The following ZC3H14 variants were observed in gnomAD, a reference collection of about 807,000 sequenced individuals.
ZC3H14 encodes zinc finger CCCH-type containing 14.
In ZC3H14, 31 loss-of-function variants were observed where a neutral mutation model predicts 92.4. That is an observed-to-expected ratio of 0.34 (90% CI 0.25 to 0.45). The LOEUF is 0.45. ZC3H14 is among the 20% of genes least tolerant of loss of function. ZC3H14 has a pLI of 1.00. For synonymous variants in ZC3H14, 321 were observed against 300.9 expected, an observed-to-expected ratio of 1.07 and a Z score of -0.69; for missense variants, 781 against 897.3, an observed-to-expected ratio of 0.87 and a Z score of 1.66.
At chr14:88,572,463 G>C in intron 5 of ZC3H14, 115 bp from the exon 6 acceptor site, 2 of 1,344,254 alleles carry the variant, frequency 1.5e-6, no homozygotes, top group Non-Finnish European at 2.1e-6. Flanking sequence ...AATGGAATAT[G>C]TAAAGGGAGT....
chr14:88,602,928 A>T lies in ZC3H14; in HGVS notation c.1615A>T (p.Met539Leu). ...ATACATGTCAGATCAAGAGGAGGAC[A>T]TGTGCTTTGAAGGAATGAAACCCGT... ...PGYMSDQEEDMCFEGMKPVNQ... is the reference protein window; with the variant it reads ...PGYMSDQEEDLCFEGMKPVNQ... The change falls in exon 12 of 17, where the codon ATG becomes TTG. Residue 539 changes from methionine to leucine, a missense_variant. Around this residue, in one of 3 missense-constraint regions of ZC3H14, gnomAD observed 221 missense variants for 304.7 expected, o/e 0.73. Coordinates refer to ENST00000251038, the MANE Select transcript of ZC3H14 (RefSeq NM_024824.5). 6.2e-7 allele frequency: 1 copy of T among 1,614,146 alleles called. No individual in the cohort carries two copies. The highest frequency in any genetic ancestry group is 8.5e-7 in the Non-Finnish European group (1 of 1,180,018).
At position 88,626,394 on chromosome 14, in the gene ZC3H14, G is replaced by C. The variant is rs971480665; in HGVS notation, c.*14643G>C. 1 of 160,362 alleles carries C rather than the reference G, an allele frequency of 6.2e-6. No homozygotes were observed. The highest frequency in any genetic ancestry group is 2.4e-5 in the African/African-American group (1 of 41,488). 9.9% of individuals were successfully genotyped at this position (160,362 alleles called of 1,614,324 possible). On this transcript the variant is annotated 3_prime_UTR_variant, in exon 17 of 17. Coordinates refer to ENST00000251038, the MANE Select transcript of ZC3H14 (RefSeq NM_024824.5). ...CCCAGCACTTTGGGAGGTCAAGATG[G>C]GAGGATCACATAGCTTAGGAGCTTG...
Position 88,572,022 on chromosome 14 carries a change from CT to C in ZC3H14, c.236-4del. On this transcript the variant is annotated splice_region_variant and splice_polypyrimidine_tract_variant and intron_variant, in intron 4 of 16. Coordinates refer to ENST00000251038, the MANE Select transcript of ZC3H14 (RefSeq NM_024824.5). The stretch of plus-strand genomic sequence containing the variant: ...AATAGATTAAAAGGACTGTATTTTT[CT>C]TTTCAGAACCCTCTAGTCTGAAGTC... The C allele has an allele frequency of 1.2e-6, 2 of 1,605,508 alleles. No homozygotes were observed. Among genetic ancestry groups the C allele is most frequent in the Non-Finnish European group, 1.7e-6 (2 of 1,176,118 alleles).
At position 88,624,789 on chromosome 14, in the gene ZC3H14, G is replaced by A. The variant is rs2089665934; in HGVS notation, c.*13038G>A. 1.4e-6 allele frequency: 1 copy of A among 697,760 alleles called. No individual in the cohort carries two copies. Among genetic ancestry groups the A allele is most frequent in the Non-Finnish European group, 2.3e-6 (1 of 440,466 alleles). The allele number at this position is 697,760 out of a possible 1,614,324, so 43.2% of individuals were successfully genotyped here. On this transcript the variant is annotated 3_prime_UTR_variant, in exon 17 of 17. Coordinates refer to ENST00000251038, the MANE Select transcript of ZC3H14 (RefSeq NM_024824.5). ...CCCCAACATGAAAAAAATTGGAAGT[G>A]AATTAAGACCAGAAATGAGAATCAA...
chr14:88,576,487 T>C (rs971666313), intron 8 of ZC3H14, among the ~76,000 whole-genome samples: 1 of 152,248 alleles, frequency 6.6e-6, no homozygotes, highest in Non-Finnish European at 1.5e-5. Context: ...TATAAAAGTA[T>C]TACGTTTTCA....
chr14:88,569,650 A>T (rs2080142477), intron 3 of ZC3H14, among the ~76,000 whole-genome samples: 1 of 152,178 alleles, frequency 6.6e-6, no homozygotes. Flanking sequence ...GATGTAGCAG[A>T]AGTGAGCAAG....
chr14:88,608,973 T>G, intron 13 of ZC3H14: 3 of 395,038 alleles, frequency 7.6e-6, no homozygotes, highest in South Asian at 7.3e-5. Flanking sequence ...ATGAGTTCAC[T>G]GCATAAAATA....
chr14:88,563,558 C>G lies in ZC3H14; in HGVS notation c.37-93C>G, dbSNP rs2079161803. 6 of 1,583,268 alleles carry G rather than the reference C, an allele frequency of 3.8e-6. No homozygotes were observed. The South Asian group carries it at 4.4e-5, about 12-fold the overall frequency. On this transcript the variant is annotated intron_variant, in intron 1 of 16. Coordinates refer to ENST00000251038, the MANE Select transcript of ZC3H14 (RefSeq NM_024824.5). ...CCCCGCCCGGGGGATCCGAGGTGCGCGCACCAGCAAAGTGGCCTCAGCCGC... is the reference window on the plus strand; with the variant it reads ...CCCCGCCCGGGGGATCCGAGGTGCGGGCACCAGCAAAGTGGCCTCAGCCGC...
intron 9 of ZC3H14, chr14:88,589,816 T>G (rs2082893456): frequency 6.6e-6 from 1 of 152,504 alleles, no homozygotes; most frequent in Non-Finnish European, 1.5e-5. Flanking sequence ...GTTTATCACT[T>G]CTGCCTCTAC....
Position 88,624,957 on chromosome 14 carries a change from A to G in ZC3H14, c.*13206A>G, listed in dbSNP as rs757065715. 2.0e-5 allele frequency: 32 copies of G among 1,612,146 alleles called. No homozygotes were observed. Among genetic ancestry groups the G allele is most frequent in the Non-Finnish European group, 2.6e-5 (31 of 1,179,188 alleles). ...AAATGCATAAATATTCTGTGAAAAG[A>G]AAGAGGACTCACGGCCTTTCCTTTC... On this transcript the variant is annotated 3_prime_UTR_variant, in exon 17 of 17. Coordinates refer to ENST00000251038, the MANE Select transcript of ZC3H14 (RefSeq NM_024824.5).
At chr14:88,563,594 G>T (rs918405587) in intron 1 of ZC3H14, 57 bp from the exon 2 acceptor site, 11 of 1,603,034 alleles carry the variant, frequency 6.9e-6, no homozygotes, top group Middle Eastern at 3.3e-4. Flanking sequence ...TGCAGAGTCC[G>T]GTCTTGTTTT....
At chr14:88,582,876 G>T (rs769765715) in intron 9 of ZC3H14, among the ~76,000 whole-genome samples, 4 of 152,100 alleles carry the variant, frequency 2.6e-5, no homozygotes, top group Non-Finnish European at 5.9e-5. Flanking sequence ...ACATGCACTC[G>T]TATTGGCATA....
chr14:88,610,906 C>T lies in ZC3H14; in HGVS notation c.2170C>T (p.Arg724Ter). The change falls in exon 16 of 17, where the codon CGA (arginine) becomes TGA (stop). Residue 724 changes from arginine (R) to a stop codon, truncating the protein, a stop_gained. Coordinates refer to ENST00000251038, the MANE Select transcript of ZC3H14 (RefSeq NM_024824.5). LOFTEE classifies it high-confidence loss of function. ...CCATCCCACCATTAATGTCCCACCA[C>T]GACATGCCTTGAAATGGATTCGACC... Reference protein sequence around the residue: ...FYHPTINVPPRHALKWIRPQT... With the variant: ...FYHPTINVPP 2 of 1,614,148 alleles carry T rather than the reference C, an allele frequency of 1.2e-6. No homozygotes were observed. Among genetic ancestry groups the T allele is most frequent in the Non-Finnish European group, 1.7e-6 (2 of 1,180,014 alleles).
At chr14:88,604,963 C>T (rs772579438) in intron 12 of ZC3H14, among the ~76,000 whole-genome samples, 10 of 152,236 alleles carry the variant, frequency 6.6e-5, no homozygotes, top group Middle Eastern at 3.4e-3. Flanking sequence ...TTTACAAAGT[C>T]GGTGTCAGCC....
At chr14:88,570,268 G>A (rs2080220698) in intron 3 of ZC3H14, among the ~76,000 whole-genome samples, 1 of 152,136 alleles carries the variant, frequency 6.6e-6, no homozygotes, top group Non-Finnish European at 1.5e-5. Flanking sequence ...AAGTAATTGT[G>A]TCCGTGGGGA....
intron 9 of ZC3H14, chr14:88,594,492 C>G: frequency 7.4e-7 from 1 of 1,357,154 alleles, no homozygotes; most frequent in Non-Finnish European, 9.5e-7. Flanking sequence ...AGCAATTGGT[C>G]TGGTACGTTT....
intron 9 of ZC3H14, chr14:88,589,631 T>C (rs540578825): frequency 3.3e-5 from 5 of 152,190 alleles, no homozygotes; most frequent in African/African-American, 4.8e-5. Flanking sequence ...TCCTGTAGTC[T>C]TCCTCATTTT....
chr14:88,568,458 A>C (rs2079975821), intron 3 of ZC3H14, among the ~76,000 whole-genome samples: 1 of 152,234 alleles, frequency 6.6e-6, no homozygotes, highest in African/African-American at 2.4e-5. Context: ...GTGAAGGAGG[A>C]ACTTCCAGAG....
chr14:88,591,914 C>T (rs1282362709), intron 9 of ZC3H14: 1 of 152,178 alleles, frequency 6.6e-6, no homozygotes, highest in Non-Finnish European at 1.5e-5. Flanking sequence ...CTGCAGTTTA[C>T]TAGTTGATTT....
Sources: allele counts gnomAD v4.1 joint callset (sites outside exome capture counted in the v4.1 genomes callset), GRCh38; gene constraint gnomAD v4.1.1; regional missense constraint gnomAD v4.1.1; transcripts MANE v1.5; gene names NCBI Gene and HGNC (gene_info 2026-07-23, HGNC 2026-07-21).